ZNF638: variants seen among roughly 807,000 people sequenced by gnomAD.
The protein encoded by ZNF638 is CTCL tumor antigen se33-1.
In ZNF638, 46 loss-of-function variants were observed where a neutral mutation model predicts 195.6. The observed-to-expected ratio is 0.24, with a 90% CI of 0.19 to 0.30. ZNF638 has a LOEUF of 0.30. Ranked by LOEUF, ZNF638 falls within the 10% of genes least tolerant of loss-of-function variation. ZNF638 has a pLI of 1.00. For synonymous variants in ZNF638, 845 were observed against 772.0 expected (o/e 1.09, Z -1.57); for missense variants, 2,440 against 2,325.3 (o/e 1.05, Z -1.01).
At chr2:71,410,669 G>C (rs2152587314) in intron 20 of ZNF638, among the ~76,000 whole-genome samples, 1 of 152,256 alleles carries the variant, frequency 6.6e-6, no homozygotes, top group East Asian at 1.9e-4. Context: ...AAAAGACTGT[G>C]AATAAATAAA....
intron 10 of ZNF638, among the ~76,000 whole-genome samples, chr2:71,391,008 A>G (rs562638361): frequency 3.1e-4 from 47 of 152,336 alleles, no homozygotes; most frequent in Non-Finnish European, 6.0e-4. Flanking sequence ...GGTTCTCTCA[A>G]GATCCAATTT....
At chr2:71,390,615 T>C (rs950691798) in intron 10 of ZNF638, among the ~76,000 whole-genome samples, 2 of 152,116 alleles carry the variant, frequency 1.3e-5, no homozygotes, top group African/African-American at 4.8e-5. Context: ...AAGGGAAGTT[T>C]TGGAAGCACG....
chr2:71,373,268 T>C (rs1426031060), intron 8 of ZNF638, among the ~76,000 whole-genome samples: 1 of 151,136 alleles, frequency 6.6e-6, no homozygotes, highest in African/African-American at 2.4e-5. Flanking sequence ...ATTAACTGTT[T>C]AAGTGAGTTG....
At position 71,427,243 on chromosome 2, in the gene ZNF638, G is replaced by C. The variant is rs1368434458; in HGVS notation, c.5374G>C (p.Val1792Leu). ...EEEDGDNDLKVELAQSKNDHP... is the reference protein window; with the variant it reads ...EEEDGDNDLKLELAQSKNDHP... ...GGAAGATGGAGATAATGATTTAAAA[G>C]TTGAGTTAGCACAAAGCAAAAATGA... is the stretch of plus-strand genomic sequence containing the variant. The change falls in exon 24 of 28, where the codon GTT becomes CTT. Residue 1792 changes from valine (V) to leucine (L), a missense_variant. Around this residue, in one of 5 missense-constraint regions of ZNF638, gnomAD observed 1,883 missense variants for 1,739.1 expected, o/e 1.08. Transcript: ENST00000264447. 1 of 1,613,086 alleles carries C rather than the reference G, an allele frequency of 6.2e-7. No individual in the cohort carries two copies. The highest frequency in any genetic ancestry group is 8.5e-7 in the Non-Finnish European group (1 of 1,179,826).
At chr2:71,405,198 C>T (rs914970027) in intron 17 of ZNF638, among the ~76,000 whole-genome samples, 1 of 152,216 alleles carries the variant, frequency 6.6e-6, no homozygotes, top group Non-Finnish European at 1.5e-5. Context: ...AGCATCAAAT[C>T]TGCATTTATG....
chr2:71,419,958 T>TCCCCC (rs148198725), intron 21 of ZNF638, among the ~76,000 whole-genome samples: 60 of 26,558 alleles, frequency 2.3e-3, no homozygotes, highest in East Asian at 0.013. Flanking sequence ...ACTTCTTAAT[T>TCCCCC]CCCACCCCCC....
intron 1 of ZNF638, among the ~76,000 whole-genome samples, chr2:71,336,071 T>C (rs1008012475): frequency 2.0e-5 from 3 of 152,180 alleles, no homozygotes; most frequent in Admixed American, 6.5e-5. Context: ...GATGTGACTT[T>C]AAAAATGTAC....
At chr2:71,389,683 C>T (rs1379828719) in intron 10 of ZNF638, among the ~76,000 whole-genome samples, 6 of 152,166 alleles carry the variant, frequency 3.9e-5, no homozygotes, top group Admixed American at 3.9e-4. Context: ...GGACTGAATT[C>T]CCGAATTCCG....
At chr2:71,394,494 G>A (rs553715720) in intron 10 of ZNF638, among the ~76,000 whole-genome samples, 31 of 152,260 alleles carry the variant, frequency 2.0e-4, no homozygotes, top group African/African-American at 7.2e-4. Context: ...CTCCATGTTT[G>A]TGACCTGAGT....
intron 26 of ZNF638, among the ~76,000 whole-genome samples, chr2:71,432,748 G>C (rs1159557087): frequency 1.3e-5 from 2 of 152,160 alleles, no homozygotes; most frequent in Admixed American, 6.5e-5. Context: ...AGTGTGTACT[G>C]TTCTTATATT....
intron 6 of ZNF638, among the ~76,000 whole-genome samples, chr2:71,366,159 G>T (rs1177861413): frequency 1.3e-5 from 2 of 152,156 alleles, no homozygotes; most frequent in Non-Finnish European, 2.9e-5. Context: ...AGGCCAGCCA[G>T]AGCTACGTGG....
At position 71,349,224 on chromosome 2, in the gene ZNF638, T is replaced by C; in HGVS notation, c.270T>C (p.His90=). The change falls in exon 2 of 28, where the codon CAT becomes CAC. Residue 90 remains histidine (H), a synonymous_variant. Transcript: ENST00000264447. ...TGACCAAAGAAAAACTGGATTTTCA[T>C]GAAGCACAACAGAAGAAGGGGAAGC... ...PRLTKEKLDF[H]EAQQKKGKPH... The C allele has an allele frequency of 6.2e-7, 1 of 1,614,140 alleles. No individual in the cohort carries two copies. The highest frequency in any genetic ancestry group is 1.1e-5 in the South Asian group (1 of 91,080).
intron 10 of ZNF638, among the ~76,000 whole-genome samples, chr2:71,386,716 TTA>T (rs1414115331): frequency 2.0e-5 from 3 of 152,112 alleles, no homozygotes; most frequent in African/African-American, 7.2e-5. Context: ...TAATCTAATA[TTA>T]AATAGTCCAT....
intron 26 of ZNF638, among the ~76,000 whole-genome samples, chr2:71,431,936 C>T (rs2152609954): frequency 6.6e-6 from 1 of 152,324 alleles, no homozygotes; most frequent in South Asian, 2.1e-4. Context: ...TTACTGCACT[C>T]TTGAAATCTG....
chr2:71,417,881 A>C (rs2080336364), intron 20 of ZNF638, among the ~76,000 whole-genome samples: 1 of 152,294 alleles, frequency 6.6e-6, no homozygotes. Flanking sequence ...ATTTCCTTAA[A>C]GTATTGTTTT....
Position 71,347,170 on chromosome 2 carries a change from A to G in ZNF638, c.-202-1583A>G, listed in dbSNP as rs532236033. 2.4e-4 allele frequency among the ~76,000 whole-genome samples: 36 copies of G among 152,310 alleles called. No individual in the cohort carries two copies. The South Asian group carries it at 6.4e-3, about 27-fold the overall frequency. ...GTTTGTTTTTGATTGGAAGAGATGA[A>G]GAGATTTGGGAAGAATAGGAACAAA... On this transcript the variant is annotated intron_variant, in intron 1 of 27. Transcript: ENST00000264447.
intron 20 of ZNF638, among the ~76,000 whole-genome samples, chr2:71,411,453 A>ATTTTTTATTTTTATTTTTTTTTTTTT (rs2080221954): frequency 1.4e-5 from 2 of 139,702 alleles, no homozygotes; most frequent in Non-Finnish European, 3.1e-5. Context: ...TTTTTTATTT[A>ATTTTTTATTTTTATTTTTTTTTTTTT]TTTTTTATTT....
At chr2:71,357,650 C>T (rs1271105600) in intron 3 of ZNF638, among the ~76,000 whole-genome samples, 1 of 151,974 alleles carries the variant, frequency 6.6e-6, no homozygotes, top group South Asian at 2.1e-4. Flanking sequence ...TCTATTAAAG[C>T]CTTTAGTGTA....
At chr2:71,353,507 A>G (rs1217391335) in intron 2 of ZNF638, among the ~76,000 whole-genome samples, 1 of 152,182 alleles carries the variant, frequency 6.6e-6, no homozygotes, top group African/African-American at 2.4e-5. Context: ...CTTTTGGACT[A>G]TAATGTGGAA....
Sources: allele counts gnomAD v4.1 joint callset (sites outside exome capture counted in the v4.1 genomes callset), GRCh38; gene constraint gnomAD v4.1.1; regional missense constraint gnomAD v4.1.1; transcripts MANE v1.5; gene names NCBI Gene and HGNC (gene_info 2026-07-23, HGNC 2026-07-21).